Variants in RGL1 observed in about 807,000 individuals in gnomAD.
RGL1 encodes the protein ral guanine nucleotide dissociation stimulator like 1.
Under a neutral mutation model 95.2 loss-of-function variants are expected in RGL1, and 24 were observed. That is an observed-to-expected ratio of 0.25 (90% CI 0.18 to 0.35). The LOEUF is 0.35. RGL1 is among the 10% of genes least tolerant of loss of function. The pLI, the probability that RGL1 is intolerant of heterozygous loss-of-function variation, is 1.00. For synonymous variants in RGL1, 329 were observed against 344.9 expected, an observed-to-expected ratio of 0.95 and a Z score of 0.51; for missense variants, 715 against 936.3, an observed-to-expected ratio of 0.76 and a Z score of 3.08.
intron 2 of RGL1, among the ~76,000 whole-genome samples, chr1:183,744,641 T>C (rs571383954): frequency 6.6e-6 from 1 of 152,348 alleles, no homozygotes; most frequent in South Asian, 2.1e-4. Flanking sequence ...AGTATTGATT[T>C]ACATCTTGTA....
At position 183,924,209 on chromosome 1, in the gene RGL1, A is replaced by T. The variant is rs149433797; in HGVS notation, c.2119+1873A>T. 6.1e-3 allele frequency among the ~76,000 whole-genome samples: 928 copies of T among 152,334 alleles called. 7 individuals carry two copies. Among genetic ancestry groups the T allele is most frequent in the Middle Eastern group, 0.017 (5 of 294 alleles). ...ACTATTCACAATAGCAAAACCTGGA[A>T]CCAACGCAAATGCCCATCAATGATA... On this transcript the variant is annotated intron_variant, in intron 17 of 17. Transcript: ENST00000360851.
At chr1:183,650,656 G>T (rs974840440) in intron 1 of RGL1, among the ~76,000 whole-genome samples, 17 of 150,632 alleles carry the variant, frequency 1.1e-4, no homozygotes, top group Non-Finnish European at 2.1e-4. Context: ...AAATATTTCT[G>T]TGAGAAATTA....
At position 183,839,008 on chromosome 1, in the gene RGL1, C is replaced by T. The variant is rs1466103172; in HGVS notation, c.139-8558C>T. Among the ~76,000 whole-genome samples, 3 of 152,166 alleles carry T rather than the reference C, an allele frequency of 2.0e-5. No homozygotes were observed. In the East Asian group the frequency reaches 5.8e-4, roughly 29 times the overall value. ...ATTAGAGGGAAGGTACATATGTCAG[C>T]ACATATGTGAATCTGGTGGTGAAGA... On this transcript the variant is annotated intron_variant, in intron 2 of 17. Coordinates refer to ENST00000360851, the MANE Select transcript of RGL1 (RefSeq NM_001297671.3).
intron 1 of RGL1, among the ~76,000 whole-genome samples, chr1:183,716,072 A>G (rs1558168902): frequency 6.6e-6 from 1 of 152,218 alleles, no homozygotes; most frequent in Non-Finnish European, 1.5e-5. Flanking sequence ...TTCAAATGTT[A>G]ATCTTATCTA....
intron 2 of RGL1, among the ~76,000 whole-genome samples, chr1:183,792,849 T>C (rs1198138769): frequency 2.0e-5 from 3 of 152,074 alleles, no homozygotes; most frequent in African/African-American, 4.8e-5. Context: ...TTGGAAGAAT[T>C]AATATTGTTA....
At chr1:183,647,698 T>C (rs1475823066) in intron 1 of RGL1, 1 of 1,600,788 alleles carries the variant, frequency 6.2e-7, no homozygotes, top group South Asian at 1.1e-5. Context: ...CCTTTCTTCT[T>C]CTTCTTTTCA....
At chr1:183,897,740 T>C (rs770141245) in intron 9 of RGL1, 68 bp from the exon 10 acceptor site, 2 of 1,174,308 alleles carry the variant, frequency 1.7e-6, no homozygotes, top group Non-Finnish European at 2.5e-6. Flanking sequence ...AGAAACTAGA[T>C]GCCTCTTTAC....
At chr1:183,700,814 G>T (rs568871991) in intron 1 of RGL1, among the ~76,000 whole-genome samples, 1 of 152,196 alleles carries the variant, frequency 6.6e-6, no homozygotes, top group South Asian at 2.1e-4. Context: ...AAAGTGCTGG[G>T]ATTACAGGCT....
At chr1:183,692,365 T>C (rs1653997239) in intron 1 of RGL1, among the ~76,000 whole-genome samples, 1 of 152,180 alleles carries the variant, frequency 6.6e-6, no homozygotes, top group Non-Finnish European at 1.5e-5. Flanking sequence ...CCATTCCCAA[T>C]GGGGAGCAGT....
chr1:183,853,281 A>G (rs752013791), intron 3 of RGL1, among the ~76,000 whole-genome samples: 6 of 152,106 alleles, frequency 3.9e-5, no homozygotes, highest in Non-Finnish European at 7.4e-5. Context: ...GTGAGCTGAG[A>G]TTGTGCCACT....
chr1:183,821,489 TG>T (rs1558228259), intron 2 of RGL1, among the ~76,000 whole-genome samples: 1 of 152,224 alleles, frequency 6.6e-6, no homozygotes, highest in African/African-American at 2.4e-5. Context: ...ATTAGTAATC[TG>T]GGGTGGCCTG....
intron 1 of RGL1, among the ~76,000 whole-genome samples, chr1:183,692,788 C>T (rs1654024637): frequency 6.6e-6 from 1 of 151,958 alleles, no homozygotes; most frequent in Admixed American, 6.6e-5. Context: ...AAAGGGGTAG[C>T]AACAGGAAGT....
At chr1:183,637,616 G>A (rs1392952222) in intron 1 of RGL1, among the ~76,000 whole-genome samples, 2 of 152,126 alleles carry the variant, frequency 1.3e-5, no homozygotes, top group African/African-American at 4.8e-5. Context: ...GAGAGACCTC[G>A]AGAATGGAAT....
chr1:183,805,971 CTTTTTTTTTTTTTTTTTTTTTTTTT>C (rs751229707), intron 1 of RGL1, among the ~76,000 whole-genome samples: 12 of 74,648 alleles, frequency 1.6e-4, no homozygotes, highest in African/African-American at 3.1e-4. Context: ...CTTTTCTTTT[CTTTTTTTTTTTTTTTTTTTTTTTTT>C]TTTTTTTTTT....
In RGL1 at chr1:183,826,061, T is replaced by TC. The variant is rs563169196; in HGVS notation, c.138+19576_138+19577insC. Among the ~76,000 whole-genome samples, 10 of 18,492 alleles carry TC rather than the reference T, an allele frequency of 5.4e-4. No homozygotes were observed. In the South Asian group the frequency reaches 0.013, roughly 24 times the overall value. 12.1% of individuals were successfully genotyped at this position (18,492 alleles called of 152,430 possible). On this transcript the variant is annotated intron_variant, in intron 2 of 17. Transcript: ENST00000360851. ...AACTCTCCCCATCTCTGTCTCTCTC[T>TC]TTTTTTTTTTGAGACGGAGTCTCAC...
chr1:183,748,562 C>G (rs1490386006), intron 2 of RGL1, among the ~76,000 whole-genome samples: 1 of 151,904 alleles, frequency 6.6e-6, no homozygotes, highest in Non-Finnish European at 1.5e-5. Flanking sequence ...CCCGCCACCA[C>G]GTCCAGCTAA....
chr1:183,868,606 T>G (rs1207986498), intron 4 of RGL1, among the ~76,000 whole-genome samples: 1 of 152,192 alleles, frequency 6.6e-6, no homozygotes, highest in East Asian at 1.9e-4. Context: ...CTATGAAAAC[T>G]CACTAAGATA....
At position 183,906,804 on chromosome 1, in the gene RGL1, G is replaced by T. The variant is rs982325400; in HGVS notation, c.1473-208G>T. 5.3e-5 allele frequency among the ~76,000 whole-genome samples: 8 copies of T among 152,206 alleles called. No individual in the cohort carries two copies. The East Asian group carries it at 1.3e-3, about 26-fold the overall frequency. The stretch of plus-strand genomic sequence containing the variant: ...TAGCCTCAATCCATATGCCAGTGGA[G>T]GTGAGGGAGGAAGCACATAAGATAA... On this transcript the variant is annotated intron_variant, in intron 13 of 17. Coordinates refer to ENST00000360851, the MANE Select transcript of RGL1 (RefSeq NM_001297671.3).
intron 1 of RGL1, among the ~76,000 whole-genome samples, chr1:183,658,486 G>A (rs1363766696): frequency 6.6e-6 from 1 of 152,146 alleles, no homozygotes; most frequent in African/African-American, 2.4e-5. Context: ...CAAACCGCAA[G>A]GTGGCAGCGA....
Sources: gnomAD v4.1 joint callset for allele counts (sites outside exome capture counted in the v4.1 genomes callset) on GRCh38, gnomAD v4.1.1 for gene constraint, MANE v1.5 for transcripts, NCBI Gene and HGNC (gene_info 2026-07-23, HGNC 2026-07-21) for gene names.